The following CAGE1 variants were observed in gnomAD, a reference collection of about 807,000 sequenced individuals.
The protein encoded by CAGE1 is cancer-associated gene 1 protein.
CAGE1 carries 66 observed loss-of-function variants against 94.9 expected under a neutral mutation model. That is an observed-to-expected ratio of 0.70 (90% confidence interval 0.57 to 0.85). The LOEUF (loss-of-function observed/expected upper bound fraction) is 0.85, where lower values mean the gene tolerates loss of function less well. CAGE1 is among the 40% of genes least tolerant of loss of function. The probability of loss-of-function intolerance (pLI) is 0.00; values close to 1 mark genes in which losing one functional copy is unlikely to be tolerated. For synonymous variants in CAGE1, 319 were observed against 321.0 expected (o/e 0.99, Z 0.07); for missense variants, 865 against 950.4 (o/e 0.91, Z 1.18).
At chr6:7,335,570 T>C (rs995087705) in intron 11 of CAGE1, among the ~76,000 whole-genome samples, 5 of 152,222 alleles carry the variant, frequency 3.3e-5, no homozygotes, top group Non-Finnish European at 7.3e-5. Flanking sequence ...TCTTCTTGTT[T>C]TATTTATTTT....
chr6:7,379,976 TAAAC>T (rs1227059060), intron 3 of CAGE1, among the ~76,000 whole-genome samples: 2 of 152,230 alleles, frequency 1.3e-5, no homozygotes, highest in East Asian at 3.8e-4. Flanking sequence ...ATTTTATTCT[TAAAC>T]AACCACACTT....
intron 2 of CAGE1, among the ~76,000 whole-genome samples, chr6:7,386,742 A>G (rs1375367405): frequency 6.6e-6 from 1 of 152,150 alleles, no homozygotes; most frequent in African/African-American, 2.4e-5. Flanking sequence ...GCTCGCTTCC[A>G]TGCCTGGCTA....
chr6:7,343,509 A>C (rs538842024), intron 11 of CAGE1, among the ~76,000 whole-genome samples: 31 of 152,328 alleles, frequency 2.0e-4, no homozygotes, highest in African/African-American at 7.0e-4. Flanking sequence ...ATGGTTTTGC[A>C]TGGAAAAACA....
At position 7,378,730 on chromosome 6, in the gene CAGE1, G is replaced by A. The variant is rs369388517; in HGVS notation, c.574C>T (p.Pro192Ser). 1.1e-5 allele frequency: 18 copies of A among 1,613,860 alleles called. No homozygotes were observed. In the African/African-American group the frequency reaches 2.4e-4, roughly 22 times the overall value. ...YFRQPPPRSP[P>S]LIHCSGEMLK... ...ATCTCTCCACTGCAGTGGATTAGAG[G>A]CGGGCTTCTAGGAGGAGGCTGTCTA... The change falls in exon 4 of 14, where the codon CCT becomes TCT. Residue 192 changes from proline to serine, a missense_variant. Pro to Ser is a moderately conservative substitution (Grantham distance 74, BLOSUM62 -1). Transcript: ENST00000502583.
intron 11 of CAGE1, among the ~76,000 whole-genome samples, chr6:7,346,315 G>A (rs35992295): frequency 7.2e-5 from 11 of 152,212 alleles, no homozygotes; most frequent in Non-Finnish European, 1.3e-4. Flanking sequence ...AGCACTTTGG[G>A]ATGCCAAGGT....
intron 11 of CAGE1, chr6:7,341,751 C>T: frequency 1.4e-6 from 1 of 689,914 alleles, no homozygotes; most frequent in Non-Finnish European, 2.8e-6. Flanking sequence ...TTGGATCACA[C>T]AGAACCATGG....
intron 11 of CAGE1, among the ~76,000 whole-genome samples, chr6:7,345,070 C>T (rs995450563): frequency 5.3e-5 from 8 of 151,838 alleles, no homozygotes; most frequent in Non-Finnish European, 7.4e-5. Context: ...GTGTTGAAAG[C>T]TTTGTTCTTT....
chr6:7,360,438 T>G (rs2113421987), intron 9 of CAGE1, among the ~76,000 whole-genome samples: 1 of 152,322 alleles, frequency 6.6e-6, no homozygotes, highest in South Asian at 2.1e-4. Flanking sequence ...TTTACTTGCA[T>G]TAACACACTT....
At chr6:7,371,244 C>T (rs6597264) in intron 5 of CAGE1, among the ~76,000 whole-genome samples, 67,126 of 151,892 alleles carry the variant, frequency 0.44, 15,382 homozygotes, top group African/African-American at 0.57. Context: ...GCAATCTGTG[C>T]TTTAACAAGC....
In CAGE1 at chr6:7,374,117, T is replaced by C. The variant is rs755757775; in HGVS notation, c.702A>G (p.Ser234=). The C allele has an allele frequency of 6.2e-6, 10 of 1,611,838 alleles. No individual in the cohort carries two copies. The Admixed American group carries it at 8.3e-5, about 13-fold the overall frequency. Residue 234 remains serine, a synonymous_variant, in exon 5 of 14, where the codon TCA becomes TCG. Coordinates refer to ENST00000502583, the MANE Select transcript of CAGE1 (RefSeq NM_001170692.2). The part of the protein sequence containing the change: ...PSFLCKTAVP[S]KEIQNYGEIP... ...TCTCCCCATAATTCTGTATTTCTTT[T>C]GAAGGAACTGCAGTCTGTAAATTAT...
Position 7,373,235 on chromosome 6 carries a change from C to T in CAGE1, c.1584G>A (p.Thr528=), listed in dbSNP as rs765872324. The T allele has an allele frequency of 6.2e-5, 99 of 1,607,420 alleles. 1 individual carries two copies. The highest frequency in any genetic ancestry group is 5.6e-4 in the South Asian group (51 of 90,460). Reference sequence around the variant, plus strand: ...TTTGCTGCTGAAGTTTTATATTCTTCGTTCTTTCATTTTCAGACATAAATT... The same window carrying T: ...TTTGCTGCTGAAGTTTTATATTCTTTGTTCTTTCATTTTCAGACATAAATT... ...NLQFMSENER[T]KNIKLQQQIN... Residue 528 remains threonine, a synonymous_variant, in exon 5 of 14, where the codon ACG becomes ACA. Transcript: ENST00000502583.
In CAGE1 at chr6:7,339,569, C is replaced by A; in HGVS notation, c.2370-5479G>T. On this transcript the variant is annotated intron_variant, in intron 11 of 13. Coordinates refer to ENST00000502583, the MANE Select transcript of CAGE1 (RefSeq NM_001170692.2). This position sits in a 1 kb window ranked among gnomAD's most constrained non-coding sequence, Gnocchi z 4.7. ...TCTTCTTGGAAATTTGTAAGGCGAT[C>A]TTGCCGCCATGCTCCGCTGAAAGGA... 1.3e-6 allele frequency: 1 copy of A among 764,296 alleles called. No homozygotes were observed. Among genetic ancestry groups the A allele is most frequent in the Non-Finnish European group, 2.4e-6 (1 of 412,660 alleles). 47.3% of individuals were successfully genotyped at this position (764,296 alleles called of 1,614,324 possible).
chr6:7,368,243 ACT>A (rs1161562047), intron 7 of CAGE1, among the ~76,000 whole-genome samples: 4 of 123,330 alleles, frequency 3.2e-5, no homozygotes, highest in African/African-American at 1.5e-4. Flanking sequence ...ACAGAGCAAG[ACT>A]CTGTCTCAAA....
intron 3 of CAGE1, among the ~76,000 whole-genome samples, chr6:7,380,399 G>A (rs1344193883): frequency 6.6e-6 from 1 of 152,144 alleles, no homozygotes; most frequent in Admixed American, 6.5e-5. Flanking sequence ...CACTTTGGGA[G>A]GCTGAGGTGG....
rs548447471 is a variant in CAGE1, at chr6:7,341,860, ACTT to A, written c.2370-7773_2370-7771del. ...GCACTAGTAGGTCAGGAACTGGGCC[ACTT>A]CTTCTTGCAGGAACGGGTGCCCTCT... On this transcript the variant is annotated intron_variant, in intron 11 of 13. Transcript: ENST00000502583. 117 of 681,748 alleles carry A rather than the reference ACTT, an allele frequency of 1.7e-4. 1 individual carries two copies. In the East Asian group the frequency reaches 2.3e-3, roughly 13 times the overall value. The allele number at this position is 681,748 out of a possible 1,614,324, so 42.2% of individuals were successfully genotyped here. A position where few individuals can be genotyped will look rare whatever the true frequency, so the allele number is the denominator to read the frequency against.
Position 7,373,857 on chromosome 6 carries a change from A to G in CAGE1, c.962T>C (p.Val321Ala). 5.6e-6 allele frequency: 9 copies of G among 1,613,942 alleles called. No homozygotes were observed. Among genetic ancestry groups the G allele is most frequent in the South Asian group, 1.1e-5 (1 of 91,084 alleles). Residue 321 changes from valine (V) to alanine (A), a missense_variant, in exon 5 of 14, where the codon GTG becomes GCG. Physicochemically the swap from Val to Ala is moderately conservative, Grantham distance 64. Transcript: ENST00000502583. Reference protein sequence around the residue: ...KLKHTNRKQEVRIQELQCSNL... With the variant: ...KLKHTNRKQEARIQELQCSNL... The stretch of plus-strand genomic sequence containing the variant: ...ACTACACTGGAGTTCTTGGATTCGC[A>G]CTTCCTGCTTTCTGTTAGTATGTTT...
chr6:7,344,552 T>TA (rs1478585655), intron 11 of CAGE1, among the ~76,000 whole-genome samples: 2 of 152,216 alleles, frequency 1.3e-5, no homozygotes, highest in East Asian at 3.9e-4. Context: ...CGCCGCCCCC[T>TA]GCTCTACAGC....
chr6:7,345,168 G>A (rs1009893423), intron 11 of CAGE1, among the ~76,000 whole-genome samples: 21 of 134,442 alleles, frequency 1.6e-4, no homozygotes, highest in Non-Finnish European at 2.7e-4. Context: ...GCTTTTAGGA[G>A]CTATGACACT....
At chr6:7,348,742 A>T (rs1759657070) in intron 11 of CAGE1, among the ~76,000 whole-genome samples, 1 of 152,180 alleles carries the variant, frequency 6.6e-6, no homozygotes, top group African/African-American at 2.4e-5. Flanking sequence ...GAAACATTGG[A>T]CACACTTATA....
Sources: gnomAD v4.1 joint callset for allele counts (sites outside exome capture counted in the v4.1 genomes callset) on GRCh38, gnomAD v4.1.1 for gene constraint, Gnocchi (gnomAD v3.1) non-coding constraint, MANE v1.5 for transcripts, NCBI Gene and HGNC (gene_info 2026-07-23, HGNC 2026-07-21) for gene names.